SEC13: variants seen among roughly 807,000 people sequenced by gnomAD.
SEC13 encodes SEC13 homolog, nuclear pore and COPII component.
Under a neutral mutation model 49.2 loss-of-function variants are expected in SEC13, and 25 were observed. The ratio of observed to expected loss-of-function variants is 0.51; its 90% CI spans 0.37 to 0.71. SEC13 has a LOEUF of 0.71. Ranked by LOEUF, SEC13 falls within the 30% of genes least tolerant of loss-of-function variation. The probability of loss-of-function intolerance (pLI) is 0.00; values close to 1 mark genes in which losing one functional copy is unlikely to be tolerated. For synonymous variants in SEC13, 148 were observed against 163.9 expected (o/e 0.90, Z 0.74); for missense variants, 383 against 417.6 (o/e 0.92, Z 0.72).
chr3:10,302,816 CAG>C (rs1421405795), intron 8 of SEC13, among the ~76,000 whole-genome samples: 4 of 152,128 alleles, frequency 2.6e-5, no homozygotes, highest in Non-Finnish European at 4.4e-5. Context: ...AGTGTAGAAA[CAG>C]GGTGTGGGCT....
chr3:10,304,147 C>T lies in SEC13; in HGVS notation c.734G>A (p.Cys245Tyr). The T allele has an allele frequency of 6.2e-7, 1 of 1,614,178 alleles. No individual in the cohort carries two copies. Among genetic ancestry groups the T allele is most frequent in the East Asian group, 2.2e-5 (1 of 44,884 alleles). The stretch of plus-strand genomic sequence containing the variant: ...CCACGTATTGCTTGAGGCATCATCA[C>T]AGGTCCAAATGAACACACGACCATC... ...SQDGRVFIWT[C>Y]DDASSNTWSP... The change falls in exon 8 of 9, where the codon TGT becomes TAT. Residue 245 changes from cysteine to tyrosine, a missense_variant. Cys to Tyr is a radical substitution (Grantham distance 194). Transcript: ENST00000350697.
Position 10,309,384 on chromosome 3 carries a change from G to GTCTT in SEC13, c.450+2577_450+2580dup, listed in dbSNP as rs552499343. ...ATTCGTATGTCTGACCTTTCTGCCTGTCTTTACTTTTGGTCAAAACCTTTT... is the reference window on the plus strand; with the variant it reads ...ATTCGTATGTCTGACCTTTCTGCCTGTCTTTCTTTACTTTTGGTCAAAACCTTTT... On this transcript the variant is annotated intron_variant, in intron 5 of 8. Coordinates refer to ENST00000350697, the MANE Select transcript of SEC13 (RefSeq NM_183352.3). 9.2e-5 allele frequency among the ~76,000 whole-genome samples: 14 copies of GTCTT among 152,236 alleles called. No individual in the cohort carries two copies. In the South Asian group the frequency reaches 2.7e-3, roughly 29 times the overall value.
chr3:10,319,939 G>GGA (rs1187384889), intron 1 of SEC13, among the ~76,000 whole-genome samples: 16 of 97,556 alleles, frequency 1.6e-4, no homozygotes, highest in African/African-American at 6.0e-4. Context: ...AGAGGGAGGG[G>GGA]GAGAGAGAGA....
chr3:10,309,260 ATC>A (rs1020283111), intron 5 of SEC13, among the ~76,000 whole-genome samples: 1 of 149,790 alleles, frequency 6.7e-6, no homozygotes, highest in African/African-American at 2.4e-5. Flanking sequence ...GTGGGGTATG[ATC>A]TCTCAATCTC....
intron 1 of SEC13, chr3:10,320,813 T>C: frequency 7.5e-7 from 1 of 1,329,054 alleles, no homozygotes; most frequent in South Asian, 2.1e-5. Flanking sequence ...GAAGGGAGAC[T>C]GGCAGGAGAC....
intron 5 of SEC13, among the ~76,000 whole-genome samples, chr3:10,308,791 A>T (rs1396809636): frequency 6.9e-5 from 8 of 115,596 alleles, no homozygotes; most frequent in African/African-American, 2.6e-4. Context: ...GCTGAGTTGA[A>T]TTTTTTTTTT....
chr3:10,310,423 G>A (rs552461218), intron 5 of SEC13, among the ~76,000 whole-genome samples: 4 of 152,130 alleles, frequency 2.6e-5, no homozygotes, highest in East Asian at 1.9e-4. Context: ...CCTGGGAGGC[G>A]GGGGTTGCAG....
chr3:10,305,776 C>T (rs541192487), intron 5 of SEC13, 84 bp from the exon 6 acceptor site: 81 of 1,499,016 alleles, frequency 5.4e-5, no homozygotes, highest in Middle Eastern at 1.7e-4. Context: ...CTCTCCCCTC[C>T]GCTTCTCAGG....
chr3:10,304,203 G>A (rs1400084639), intron 7 of SEC13, 31 bp from the exon 8 acceptor site: 3 of 1,611,492 alleles, frequency 1.9e-6, no homozygotes, highest in Admixed American at 1.7e-5. Context: ...GTCAGGAGGT[G>A]GAGTCAAGAC....
chr3:10,315,481 GGGT>G, intron 2 of SEC13, 45 bp from the exon 3 acceptor site: 1 of 391,282 alleles, frequency 2.6e-6, no homozygotes, highest in South Asian at 2.0e-5. Context: ...CTGGGTGGGT[GGGT>G]GGGTGGGGTG....
chr3:10,315,323 CCT>C lies in SEC13; in HGVS notation c.160_161del (p.Arg54GlyfsTer3), dbSNP rs780478973. The C allele has an allele frequency of 5.6e-6, 9 of 1,612,030 alleles. No individual in the cohort carries two copies. Among genetic ancestry groups the C allele is most frequent in the East Asian group, 4.5e-5 (2 of 44,874 alleles). ...NGGQILIADL[R>X]GHEGPVWQVA... ...TCCCTGGGCTCGCCAGCACTTACCC[CCT>C]GAGGTCGGCGATAAGGATCTGCCCT... On this transcript the variant is annotated frameshift_variant, in exon 3 of 9. Transcript: ENST00000350697. LOFTEE classifies it high-confidence loss of function.
intron 5 of SEC13, 190 bp from the exon 6 acceptor site, chr3:10,305,882 T>G: frequency 1.9e-6 from 1 of 513,822 alleles, no homozygotes; most frequent in Non-Finnish European, 3.4e-6. Context: ...TGCATTTTTC[T>G]GCAGTGTGCG....
At chr3:10,303,920 C>T (rs770273806) in intron 8 of SEC13, 106 bp downstream of exon 8, 5 of 1,281,178 alleles carry the variant, frequency 3.9e-6, no homozygotes, top group Non-Finnish European at 3.3e-6. Flanking sequence ...CTGGCTAAGG[C>T]TCCTGCCCAG....
intron 5 of SEC13, among the ~76,000 whole-genome samples, chr3:10,307,531 AG>A (rs36085273): frequency 0.21 from 32,424 of 152,094 alleles, 3,747 homozygotes; most frequent in African/African-American, 0.26. Context: ...GCAGAAGGCA[AG>A]GGAGGAGCAA....
Position 10,305,067 on chromosome 3 carries a change from C to T in SEC13, c.674G>A (p.Gly225Asp). ...VRDVAWAPSI[G>D]LPTSTIASCS... ...GCTGGCGATGGTGCTGGTGGGCAGGCCGATGGAGGGGGCCCAGGCCACATC... is the reference window on the plus strand; with the variant it reads ...GCTGGCGATGGTGCTGGTGGGCAGGTCGATGGAGGGGGCCCAGGCCACATC... The change falls in exon 7 of 9, where the codon GGC (glycine) becomes GAC (aspartate). Residue 225 changes from glycine (G) to aspartate (D), a missense_variant. Coordinates refer to ENST00000350697, the MANE Select transcript of SEC13 (RefSeq NM_183352.3). 1 of 1,614,132 alleles carries T rather than the reference C, an allele frequency of 6.2e-7. No homozygotes were observed. The highest frequency in any genetic ancestry group is 8.5e-7 in the Non-Finnish European group (1 of 1,180,038).
At chr3:10,311,740 C>T (rs555751931) in intron 5 of SEC13, 2 of 1,393,816 alleles carry the variant, frequency 1.4e-6, no homozygotes, top group African/African-American at 2.9e-5. Context: ...ACCAGCCCTC[C>T]CCTGCTTGGG....
chr3:10,303,623 C>T (rs569379313), intron 8 of SEC13: 4 of 269,128 alleles, frequency 1.5e-5, no homozygotes, highest in Admixed American at 1.5e-4. Flanking sequence ...TTTTAAAAAG[C>T]CTTTTCAGTG....
intron 8 of SEC13, among the ~76,000 whole-genome samples, chr3:10,302,480 G>GC (rs1318288525): frequency 6.6e-6 from 1 of 152,142 alleles, no homozygotes; most frequent in Non-Finnish European, 1.5e-5. Flanking sequence ...ACAGTGACGG[G>GC]CCCCACAACA....
intron 3 of SEC13, 29 bp from the exon 4 acceptor site, chr3:10,312,759 C>T (rs377469746): frequency 6.2e-7 from 1 of 1,612,994 alleles, no homozygotes; most frequent in South Asian, 1.1e-5. Context: ...GCCAGAGGAA[C>T]CCACAGTGCC....
Sources: gnomAD v4.1 joint callset for allele counts (sites outside exome capture counted in the v4.1 genomes callset) on GRCh38, gnomAD v4.1.1 for gene constraint, MANE v1.5 for transcripts, NCBI Gene and HGNC (gene_info 2026-07-23, HGNC 2026-07-21) for gene names.